Variants in IGF1R observed in about 807,000 individuals in gnomAD.
The protein encoded by IGF1R is insulin like growth factor 1 receptor.
A neutral mutation model predicts 144.6 loss-of-function variants in IGF1R; 44 were observed. The ratio of observed to expected loss-of-function variants is 0.30; its 90% confidence interval spans 0.24 to 0.39. The LOEUF (loss-of-function observed/expected upper bound fraction) is 0.39, where lower values mean the gene tolerates loss of function less well. Among genes scored for constraint, IGF1R ranks in the 10% least tolerant of loss-of-function variants. The probability of loss-of-function intolerance (pLI) is 1.00; values close to 1 mark genes in which losing one functional copy is unlikely to be tolerated. For missense variants in IGF1R, 1,355 were observed against 1,833.7 expected, an observed-to-expected ratio of 0.74 and a Z score of 4.77; for synonymous variants, 795 against 722.8, an observed-to-expected ratio of 1.10 and a Z score of -1.60.
At chr15:98,753,069 A>G (rs991154301) in intron 2 of IGF1R, among the ~76,000 whole-genome samples, 4 of 150,562 alleles carry the variant, frequency 2.7e-5, no homozygotes, top group South Asian at 2.1e-4. Context: ...CCAAGTAGCT[A>G]GGACTACAGG....
intron 20 of IGF1R, among the ~76,000 whole-genome samples, chr15:98,949,519 C>G (rs1243227150): frequency 6.6e-6 from 1 of 151,884 alleles, no homozygotes; most frequent in Non-Finnish European, 1.5e-5. Flanking sequence ...GCTAGGATTA[C>G]AGGCACCCAC....
intron 17 of IGF1R, among the ~76,000 whole-genome samples, chr15:98,938,410 T>A (rs1208083815): frequency 6.6e-6 from 1 of 152,238 alleles, no homozygotes; most frequent in Non-Finnish European, 1.5e-5. Flanking sequence ...TGTTTTAGGA[T>A]GGAGAGACTT....
chr15:98,931,974 T>C (rs4966045), intron 15 of IGF1R, among the ~76,000 whole-genome samples: 151,032 of 152,350 alleles, frequency 0.99, 74,881 homozygotes, highest in Middle Eastern at 1. Flanking sequence ...GACCACTTTC[T>C]CCCTCTGTGA....
In IGF1R at chr15:98,753,251, G is replaced by T. The variant is rs750745432; in HGVS notation, c.640+45144G>T. Among the ~76,000 whole-genome samples, 170 of 145,884 alleles carry T rather than the reference G, an allele frequency of 1.2e-3. 1 individual carries two copies. Among genetic ancestry groups the T allele is most frequent in the Middle Eastern group, 0.01 (3 of 290 alleles). ...CAGCCTTTTTTTTTTTTTAAATAAA[G>T]AGGGTCTCAGGCTGGCGTGCAGTGG... On this transcript the variant is annotated intron_variant, in intron 2 of 20. Transcript: ENST00000650285.
chr15:98,687,320 T>G (rs531884633), intron 1 of IGF1R, among the ~76,000 whole-genome samples: 173 of 151,500 alleles, frequency 1.1e-3, no homozygotes, highest in Non-Finnish European at 1.8e-3. Context: ...CCCAGGCGAG[T>G]GTTAAAGGCC....
chr15:98,768,295 T>G (rs2055486440), intron 2 of IGF1R, among the ~76,000 whole-genome samples: 1 of 152,130 alleles, frequency 6.6e-6, no homozygotes, highest in Admixed American at 6.6e-5. Flanking sequence ...TTTGGCATTG[T>G]GCAAGAGGTA....
chr15:98,714,190 T>C (rs1355910206), intron 2 of IGF1R, among the ~76,000 whole-genome samples: 1 of 151,920 alleles, frequency 6.6e-6, no homozygotes, highest in African/African-American at 2.4e-5. Context: ...AAAAAAAGTC[T>C]ACATTTTTCC....
At chr15:98,785,598 A>G (rs770107120) in intron 2 of IGF1R, among the ~76,000 whole-genome samples, 22 of 152,198 alleles carry the variant, frequency 1.4e-4, no homozygotes, top group Non-Finnish European at 2.9e-4. Context: ...GTTTTGTGGA[A>G]CTTTTCCAGA....
intron 2 of IGF1R, among the ~76,000 whole-genome samples, chr15:98,799,857 G>C (rs936896703): frequency 6.6e-6 from 1 of 152,152 alleles, no homozygotes; most frequent in African/African-American, 2.4e-5. Context: ...GTTGAGAGGG[G>C]AACAGTTAAT....
At chr15:98,953,219 A>G (rs957839618) in intron 20 of IGF1R, 2 of 152,204 alleles carry the variant, frequency 1.3e-5, no homozygotes, top group East Asian at 1.9e-4. Flanking sequence ...GCTCACCATC[A>G]GGAAGTAGCC....
intron 2 of IGF1R, among the ~76,000 whole-genome samples, chr15:98,744,731 C>A (rs1004927773): frequency 1.3e-5 from 2 of 151,730 alleles, no homozygotes; most frequent in African/African-American, 4.8e-5. Context: ...ACAGATGGCC[C>A]CTTAAACATG....
chr15:98,693,108 A>AC (rs879923892), intron 1 of IGF1R, among the ~76,000 whole-genome samples: 1 of 151,622 alleles, frequency 6.6e-6, no homozygotes, highest in African/African-American at 2.4e-5. Flanking sequence ...AGCTTGCAGC[A>AC]CCCCCCTGAC....
intron 2 of IGF1R, among the ~76,000 whole-genome samples, chr15:98,855,665 C>G (rs925811386): frequency 6.6e-6 from 1 of 152,162 alleles, no homozygotes; most frequent in East Asian, 1.9e-4. Flanking sequence ...CGTTTAGAAC[C>G]TGTTGCTTTG....
Position 98,960,346 on chromosome 15 carries a change from C to T in IGF1R, c.*2904C>T, listed in dbSNP as rs984216631. 4 of 233,162 alleles carry T rather than the reference C, an allele frequency of 1.7e-5. No homozygotes were observed. The highest frequency in any genetic ancestry group is 5.6e-5 in the Admixed American group (1 of 17,784). The allele number at this position is 233,162 out of a possible 1,614,324, so 14.4% of individuals were successfully genotyped here. A position where few individuals can be genotyped will look rare whatever the true frequency, so the allele number is the denominator to read the frequency against. ...TCCACCAAGGTGTTAGATTTCTCCT[C>T]CTCCTAGCCAGGTGGCCCTGTGAGG... is the stretch of plus-strand genomic sequence containing the variant. On this transcript the variant is annotated 3_prime_UTR_variant, in exon 21 of 21. Transcript: ENST00000650285.
At chr15:98,726,791 C>T (rs2141289491) in intron 2 of IGF1R, among the ~76,000 whole-genome samples, 1 of 142,032 alleles carries the variant, frequency 7.0e-6, no homozygotes, top group South Asian at 2.2e-4. Flanking sequence ...GTGATCTTGG[C>T]TCACTGCAAC....
chr15:98,755,890 A>AT (rs1189180753), intron 2 of IGF1R, among the ~76,000 whole-genome samples: 9 of 152,128 alleles, frequency 5.9e-5, no homozygotes, highest in African/African-American at 2.2e-4. Flanking sequence ...GAAGAGGCTG[A>AT]TGAATTTTAT....
rs2015234811 is a variant in IGF1R, at chr15:98,916,145, A to G, written c.1996+14A>G. The G allele has an allele frequency of 1.2e-6, 2 of 1,613,836 alleles. No homozygotes were observed. Among genetic ancestry groups the G allele is most frequent in the African/African-American group, 1.3e-5 (1 of 74,932 alleles). On this transcript the variant is annotated intron_variant, in intron 9 of 20. Transcript: ENST00000650285. ...ACTGCTCCAAAGGTAAGGGTGCAGC[A>G]GCGGCCTGGACGGAGGGTGTGACCG...
chr15:98,812,382 A>T (rs2056610548), intron 2 of IGF1R, among the ~76,000 whole-genome samples: 1 of 149,902 alleles, frequency 6.7e-6, no homozygotes, highest in Middle Eastern at 3.4e-3. Flanking sequence ...TTCAAGGCAG[A>T]GTCTTACTCT....
chr15:98,823,893 G>A (rs1025387851), intron 2 of IGF1R, among the ~76,000 whole-genome samples: 1 of 152,072 alleles, frequency 6.6e-6, no homozygotes, highest in Non-Finnish European at 1.5e-5. Flanking sequence ...CTATTTTCAG[G>A]CATATTCTGA....
Sources: gnomAD v4.1 joint callset for allele counts (sites outside exome capture counted in the v4.1 genomes callset) on GRCh38, gnomAD v4.1.1 for gene constraint, MANE v1.5 for transcripts, NCBI Gene and HGNC (gene_info 2026-07-23, HGNC 2026-07-21) for gene names.